COLEC11: variants seen among roughly 807,000 people sequenced by gnomAD.
COLEC11 encodes the protein collectin-11.
COLEC11 carries 20 observed loss-of-function variants against 27.3 expected under a neutral mutation model. That is an observed-to-expected ratio of 0.73 (90% CI 0.51 to 1.06). The LOEUF (loss-of-function observed/expected upper bound fraction) is 1.06. Ranked by LOEUF, COLEC11 falls within the 50% of genes least tolerant of loss-of-function variation. The pLI is 0.00. For synonymous variants in COLEC11, 163 were observed against 154.7 expected, an observed-to-expected ratio of 1.05 and a Z score of -0.40; for missense variants, 310 against 383.0, an observed-to-expected ratio of 0.81 and a Z score of 1.59.
At chr2:3,596,583 C>T (rs192685986) in intron 1 of COLEC11, among the ~76,000 whole-genome samples, 1 of 152,236 alleles carries the variant, frequency 6.6e-6, no homozygotes, top group East Asian at 1.9e-4. Flanking sequence ...GTGATCTGCC[C>T]ACCTTGGCCT....
intron 5 of COLEC11, among the ~76,000 whole-genome samples, chr2:3,642,554 C>A (rs1416768401): frequency 6.6e-6 from 1 of 152,092 alleles, no homozygotes; most frequent in Non-Finnish European, 1.5e-5. Context: ...TCAATATATG[C>A]AAGCAATTCT....
intron 3 of COLEC11, among the ~76,000 whole-genome samples, chr2:3,621,255 C>T (rs1191020857): frequency 6.6e-6 from 1 of 152,128 alleles, no homozygotes; most frequent in Non-Finnish European, 1.5e-5. Context: ...GATGAATTGA[C>T]CTTTTATCAT....
rs535634640 is a variant in COLEC11 at position 3,602,766 on chromosome 2, G to A, written c.-26-1549G>A. On this transcript the variant is annotated intron_variant, in intron 1 of 6. Coordinates refer to ENST00000349077, the MANE Select transcript of COLEC11 (RefSeq NM_024027.5). This position sits in a 1 kb window ranked among gnomAD's most constrained non-coding sequence, Gnocchi z 6.2. ...CCACCAGGCCAGCCCACCTCTCCCC[G>A]CACTGTCCGGCATGCACTGCCTCAA... is the stretch of plus-strand genomic sequence containing the variant. Among the ~76,000 whole-genome samples, 202 of 152,178 alleles carry A rather than the reference G, an allele frequency of 1.3e-3. No individual in the cohort carries two copies. Among genetic ancestry groups the A allele is most frequent in the Admixed American group, 2.6e-3 (40 of 15,288 alleles).
chr2:3,604,268 C>A (rs780551478), intron 1 of COLEC11, 47 bp from the exon 2 acceptor site: 1 of 1,606,660 alleles, frequency 6.2e-7, no homozygotes, highest in Non-Finnish European at 8.5e-7. Flanking sequence ...TCACTGGCTG[C>A]CCGGCTGTTG....
Position 3,613,348 on chromosome 2 carries a change from A to ACGGCCTGGAAGAGT in COLEC11, c.174_187dup (p.Pro63LeufsTer43). ...AGAAGGGAGACAAAGGCGCCCCCGG[A>ACGGCCTGGAAGAGT]CGGCCTGGAAGAGTCGGCCCCACGG... is the stretch of plus-strand genomic sequence containing the variant. On this transcript the variant is annotated frameshift_variant, in exon 3 of 7. Coordinates refer to ENST00000349077, the MANE Select transcript of COLEC11 (RefSeq NM_024027.5). LOFTEE classifies it high-confidence loss of function. 1 of 1,609,240 alleles carries ACGGCCTGGAAGAGT rather than the reference A, an allele frequency of 6.2e-7. No homozygotes were observed. Among genetic ancestry groups the ACGGCCTGGAAGAGT allele is most frequent in the Non-Finnish European group, 8.5e-7 (1 of 1,178,002 alleles).
chr2:3,631,086 C>T (rs1664961273), intron 3 of COLEC11, among the ~76,000 whole-genome samples: 1 of 152,066 alleles, frequency 6.6e-6, no homozygotes, highest in Non-Finnish European at 1.5e-5. Context: ...CAAAAATTAG[C>T]CAGACATGGT....
intron 3 of COLEC11, among the ~76,000 whole-genome samples, chr2:3,613,976 CTTTCTTTT>C (rs1663450981): frequency 1.1e-5 from 1 of 91,324 alleles, no homozygotes; most frequent in African/African-American, 3.5e-5. Context: ...TTCTTTCTTT[CTTTCTTTT>C]TTTTTTTTTT....
chr2:3,628,974 C>T (rs1027546056), intron 3 of COLEC11, among the ~76,000 whole-genome samples: 4 of 152,144 alleles, frequency 2.6e-5, no homozygotes, highest in Non-Finnish European at 5.9e-5. Flanking sequence ...GATCCAGGGG[C>T]ATCAGGTGCT....
chr2:3,607,288 G>A (rs1662801143), intron 2 of COLEC11, among the ~76,000 whole-genome samples: 1 of 151,970 alleles, frequency 6.6e-6, no homozygotes, highest in Non-Finnish European at 1.5e-5. Flanking sequence ...TACATTTAGA[G>A]AGAATGACAA....
intron 3 of COLEC11, among the ~76,000 whole-genome samples, chr2:3,621,916 C>G (rs1000191702): frequency 1.3e-5 from 2 of 152,148 alleles, no homozygotes; most frequent in Non-Finnish European, 2.9e-5. Context: ...CAGTGGCTCA[C>G]ACCTGTAATC....
chr2:3,604,329 C>A lies in COLEC11; in HGVS notation c.-12C>A. ...CCTCTGTGTAGGAGTTGGTGTCCTG[C>A]CTGCGCTCAGGATGAGGGGGAATCT... On this transcript the variant is annotated 5_prime_UTR_variant, in exon 2 of 7. Coordinates refer to ENST00000349077, the MANE Select transcript of COLEC11 (RefSeq NM_024027.5). The A allele has an allele frequency of 1.2e-6, 2 of 1,614,216 alleles. No homozygotes were observed. The highest frequency in any genetic ancestry group is 1.7e-6 in the Non-Finnish European group (2 of 1,180,024).
chr2:3,631,028 C>G (rs565694120), intron 3 of COLEC11, among the ~76,000 whole-genome samples: 1 of 152,154 alleles, frequency 6.6e-6, no homozygotes, highest in Non-Finnish European at 1.5e-5. Context: ...GTCAGGAGTT[C>G]GAGACCAGCC....
At chr2:3,635,699 C>T (rs991574010) in intron 3 of COLEC11, among the ~76,000 whole-genome samples, 3 of 152,236 alleles carry the variant, frequency 2.0e-5, no homozygotes, top group Admixed American at 6.5e-5. Context: ...GAGTCGCCTC[C>T]GTCCTGGCTG....
At chr2:3,600,234 C>CAAAA (rs35252259) in intron 1 of COLEC11, among the ~76,000 whole-genome samples, 2 of 80,690 alleles carry the variant, frequency 2.5e-5, no homozygotes, top group Admixed American at 1.3e-4. Context: ...GACTCTGTCT[C>CAAAA]AAAAAAAAAA....
At chr2:3,629,714 CTATG>C (rs1177902576) in intron 3 of COLEC11, among the ~76,000 whole-genome samples, 1 of 152,130 alleles carries the variant, frequency 6.6e-6, no homozygotes, top group East Asian at 1.9e-4. Context: ...ATGCCTTTGT[CTATG>C]TATGTGCTGC....
rs1663586486 is a variant in COLEC11 at position 3,615,378 on chromosome 2, A to G, written c.202+1996A>G. Among the ~76,000 whole-genome samples the G allele has an allele frequency of 4.6e-5, 7 of 152,198 alleles. No homozygotes were observed. The South Asian group carries it at 1.4e-3, about 32-fold the overall frequency. On this transcript the variant is annotated intron_variant, in intron 3 of 6. Transcript: ENST00000349077. ...GCTGCCTTCAAGCATCTGTTTAACA[A>G]AGCACATCTTGCACCGCCCTTAATC... is the stretch of plus-strand genomic sequence containing the variant.
intron 3 of COLEC11, among the ~76,000 whole-genome samples, chr2:3,614,384 A>T (rs1262099001): frequency 6.6e-6 from 1 of 152,188 alleles, no homozygotes; most frequent in Non-Finnish European, 1.5e-5. Context: ...CAACACAAAG[A>T]TAATTAAATA....
chr2:3,616,917 G>T (rs1191922074), intron 3 of COLEC11, among the ~76,000 whole-genome samples: 1 of 152,200 alleles, frequency 6.6e-6, no homozygotes, highest in Non-Finnish European at 1.5e-5. Context: ...TATATTTCAA[G>T]ACTGAATAAT....
intron 1 of COLEC11, among the ~76,000 whole-genome samples, chr2:3,599,583 A>C (rs570379708): frequency 7.2e-5 from 11 of 152,336 alleles, no homozygotes; most frequent in African/African-American, 2.6e-4. Context: ...CAAATAGCCT[A>C]TCTCCATATT....
Sources: allele counts gnomAD v4.1 joint callset (sites outside exome capture counted in the v4.1 genomes callset), GRCh38; gene constraint gnomAD v4.1.1; non-coding constraint Gnocchi (gnomAD v3.1); transcripts MANE v1.5; gene names NCBI Gene and HGNC (gene_info 2026-07-23, HGNC 2026-07-21).